NCAM1: variants seen among roughly 807,000 people sequenced by gnomAD.
The protein encoded by NCAM1 is neural cell adhesion molecule 1.
Under a neutral mutation model 109.8 loss-of-function variants are expected in NCAM1, and 14 were observed. The ratio of observed to expected loss-of-function variants is 0.13; its 90% confidence interval spans 0.08 to 0.20. The LOEUF (loss-of-function observed/expected upper bound fraction) is 0.20, where lower values mean the gene tolerates loss of function less well. Among genes scored for constraint, NCAM1 ranks in the 10% least tolerant of loss-of-function variants. NCAM1 has a pLI of 1.00. For missense variants in NCAM1, 774 were observed against 1,109.9 expected (o/e 0.70, Z 4.30); for synonymous variants, 418 against 442.9 (o/e 0.94, Z 0.70).
At chr11:113,073,094 G>A (rs1451641314) in intron 1 of NCAM1, among the ~76,000 whole-genome samples, 1 of 152,068 alleles carries the variant, frequency 6.6e-6, no homozygotes, top group Non-Finnish European at 1.5e-5. Flanking sequence ...CAAAGAAGTG[G>A]AATCACACAG....
chr11:113,001,521 C>G (rs140738171), intron 1 of NCAM1, among the ~76,000 whole-genome samples: 68 of 152,234 alleles, frequency 4.5e-4, no homozygotes, highest in African/African-American at 1.6e-3. Flanking sequence ...TAGATGGAGA[C>G]AATAGAAGGT....
chr11:113,235,976 T>G (rs1555118205), intron 14 of NCAM1, among the ~76,000 whole-genome samples: 1 of 152,190 alleles, frequency 6.6e-6, no homozygotes, highest in African/African-American at 2.4e-5. Flanking sequence ...GAACTAAATT[T>G]CTGAGTGTTC....
chr11:113,006,191 G>A (rs558465684), intron 1 of NCAM1, among the ~76,000 whole-genome samples: 35 of 152,196 alleles, frequency 2.3e-4, no homozygotes, highest in South Asian at 1.0e-3. Context: ...ATATTTTCAC[G>A]CACAAGAGTC....
At chr11:113,239,492 G>C (rs1400427650) in intron 14 of NCAM1, among the ~76,000 whole-genome samples, 3 of 128,716 alleles carry the variant, frequency 2.3e-5, no homozygotes, top group Non-Finnish European at 4.7e-5. Flanking sequence ...TTATGAATGA[G>C]TCTCTACTTT....
At chr11:113,120,651 T>C (rs1193276150) in intron 1 of NCAM1, among the ~76,000 whole-genome samples, 1 of 152,142 alleles carries the variant, frequency 6.6e-6, no homozygotes, top group East Asian at 1.9e-4. Flanking sequence ...GGGGGTGATC[T>C]CCTTTCTCCT....
chr11:113,028,113 A>G (rs1276485184), intron 1 of NCAM1, among the ~76,000 whole-genome samples: 3 of 152,170 alleles, frequency 2.0e-5, no homozygotes, highest in Non-Finnish European at 4.4e-5. Flanking sequence ...TGGGTTTTCT[A>G]TTTCATAGTA....
At chr11:113,208,653 C>A (rs1431473928) in intron 7 of NCAM1, among the ~76,000 whole-genome samples, 5 of 152,136 alleles carry the variant, frequency 3.3e-5, no homozygotes, top group Non-Finnish European at 5.9e-5. Context: ...CGACCACCCC[C>A]ACCCACCTCC....
intron 17 of NCAM1, chr11:113,263,572 G>A: frequency 2.0e-6 from 2 of 985,650 alleles, no homozygotes; most frequent in Non-Finnish European, 1.2e-6. Flanking sequence ...TGTGCTTTCA[G>A]TCCTCGTATT....
At chr11:113,099,691 A>T (rs1939777950) in intron 1 of NCAM1, among the ~76,000 whole-genome samples, 1 of 152,018 alleles carries the variant, frequency 6.6e-6, no homozygotes, top group African/African-American at 2.4e-5. Flanking sequence ...ATTTATTTTT[A>T]TTTATTATCA....
At chr11:113,204,953 A>G (rs1944191700) in intron 3 of NCAM1, among the ~76,000 whole-genome samples, 2 of 152,136 alleles carry the variant, frequency 1.3e-5, no homozygotes, top group Admixed American at 1.3e-4. Context: ...GCATCTCGTT[A>G]CCTTGTTATT....
chr11:113,063,870 A>C (rs879981188), intron 1 of NCAM1, among the ~76,000 whole-genome samples: 2 of 147,688 alleles, frequency 1.4e-5, no homozygotes, highest in Non-Finnish European at 2.9e-5. Flanking sequence ...GAATATGCCC[A>C]TCATCAGCAT....
At chr11:112,992,385 A>G (rs1555070699) in intron 1 of NCAM1, among the ~76,000 whole-genome samples, 1 of 152,146 alleles carries the variant, frequency 6.6e-6, no homozygotes, top group East Asian at 1.9e-4. Context: ...TTTAAACTTA[A>G]TATGTCTAAT....
intron 7 of NCAM1, among the ~76,000 whole-genome samples, chr11:113,213,458 TCTCAA>T (rs1253845917): frequency 6.6e-6 from 1 of 152,180 alleles, no homozygotes; most frequent in Non-Finnish European, 1.5e-5. Context: ...AATGAACTCA[TCTCAA>T]CTCATCTCCT....
chr11:113,097,002 C>T (rs886714686), intron 1 of NCAM1, among the ~76,000 whole-genome samples: 1 of 152,188 alleles, frequency 6.6e-6, no homozygotes, highest in Non-Finnish European at 1.5e-5. Flanking sequence ...GTTGAACCCC[C>T]CCTGCCCTGT....
At chr11:112,982,953 G>C (rs1231079804) in intron 1 of NCAM1, among the ~76,000 whole-genome samples, 1 of 151,860 alleles carries the variant, frequency 6.6e-6, no homozygotes, top group Non-Finnish European at 1.5e-5. Flanking sequence ...GTTCTCGAAG[G>C]ATAAGTCCAT....
At chr11:113,183,301 C>T (rs562360450) in intron 1 of NCAM1, among the ~76,000 whole-genome samples, 2 of 152,322 alleles carry the variant, frequency 1.3e-5, no homozygotes, top group African/African-American at 2.4e-5. Context: ...GGATGCCCTG[C>T]CACGTGTGCA....
At position 113,232,265 on chromosome 11, in the gene NCAM1, A is replaced by G. The variant is rs570469008; in HGVS notation, c.1336A>G (p.Ile446Val). ...CEVFAYPSAT[I>V]SWFRDGQLLP... ...GGTATTTGCCTATCCCAGTGCCACG[A>G]TCTCATGGTTTCGGGATGGCCAGCT... The change falls in exon 11 of 20, where the codon ATC (isoleucine) becomes GTC (valine). Residue 446 changes from isoleucine to valine, a missense_variant. Physicochemically the swap from Ile to Val is conservative, Grantham distance 29. This residue lies in a region of NCAM1 where 523 missense variants were observed against 784.2 expected (regional missense o/e 0.67). Coordinates refer to ENST00000316851, the MANE Select transcript of NCAM1 (RefSeq NM_181351.5). The G allele has an allele frequency of 1.5e-4, 248 of 1,613,926 alleles. 1 individual carries two copies. The South Asian group carries it at 2.5e-3, about 17-fold the overall frequency.
At chr11:113,124,144 T>A (rs1261564135) in intron 1 of NCAM1, among the ~76,000 whole-genome samples, 1 of 152,210 alleles carries the variant, frequency 6.6e-6, no homozygotes, top group Non-Finnish European at 1.5e-5. Flanking sequence ...AAGGGAAAGC[T>A]GTAGCTACTC....
intron 1 of NCAM1, among the ~76,000 whole-genome samples, chr11:113,187,541 CTG>C (rs112338209): frequency 0.011 from 1,495 of 141,676 alleles, 27 homozygotes; most frequent in African/African-American, 0.036. Context: ...CACTGAGGAT[CTG>C]TGTGTGTGTG....
Sources: allele counts gnomAD v4.1 joint callset (sites outside exome capture counted in the v4.1 genomes callset), GRCh38; gene constraint gnomAD v4.1.1; regional missense constraint gnomAD v4.1.1; transcripts MANE v1.5; gene names NCBI Gene and HGNC (gene_info 2026-07-23, HGNC 2026-07-21).